DEUP1: variants seen among roughly 807,000 people sequenced by gnomAD.
DEUP1 encodes the protein coiled-coil domain containing 67.
In DEUP1, 82 loss-of-function variants were observed where a neutral mutation model predicts 87.4. That is an observed-to-expected ratio of 0.94 (90% CI 0.78 to 1.13). The LOEUF is 1.13. DEUP1 is among the 50% of genes most tolerant of loss of function. The pLI is 0.00. For missense variants in DEUP1, 663 were observed against 681.5 expected (o/e 0.97, Z 0.30); for synonymous variants, 214 against 222.7 (o/e 0.96, Z 0.35).
intron 13 of DEUP1, among the ~76,000 whole-genome samples, chr11:93,419,801 G>C (rs538607016): frequency 9.1e-4 from 137 of 150,870 alleles, no homozygotes; most frequent in African/African-American, 3.2e-3. Context: ...TCCTTCTCAT[G>C]TTTTCCATTT....
At chr11:93,401,637 C>A (rs1947122082) in intron 11 of DEUP1, among the ~76,000 whole-genome samples, 1 of 151,744 alleles carries the variant, frequency 6.6e-6, no homozygotes, top group Admixed American at 6.6e-5. Flanking sequence ...CAGATATAAA[C>A]CAATGCATTT....
intron 3 of DEUP1, among the ~76,000 whole-genome samples, chr11:93,356,349 C>T (rs1944894279): frequency 6.6e-6 from 1 of 152,044 alleles, no homozygotes; most frequent in Non-Finnish European, 1.5e-5. Flanking sequence ...TCTAGTTTTC[C>T]TTCACAGTAG....
intron 8 of DEUP1, among the ~76,000 whole-genome samples, chr11:93,387,277 G>A (rs879563996): frequency 6.6e-6 from 1 of 152,004 alleles, no homozygotes; most frequent in Non-Finnish European, 1.5e-5. Context: ...CAGCTTTATT[G>A]TTTTGGTTTA....
At chr11:93,378,536 A>G (rs1008668945) in intron 7 of DEUP1, among the ~76,000 whole-genome samples, 1 of 151,942 alleles carries the variant, frequency 6.6e-6, no homozygotes, top group African/African-American at 2.4e-5. Context: ...TGCCTCCTTT[A>G]GTAGGTTAAT....
chr11:93,354,235 C>T (rs1275387611), intron 2 of DEUP1, among the ~76,000 whole-genome samples: 1 of 152,170 alleles, frequency 6.6e-6, no homozygotes, highest in Non-Finnish European at 1.5e-5. Flanking sequence ...TTTGATAAAA[C>T]ATAACAAGAG....
rs558133326 is a variant in DEUP1 at position 93,418,373 on chromosome 11, A to T, written c.1638+3259A>T. Among the ~76,000 whole-genome samples, 95 of 152,044 alleles carry T rather than the reference A, an allele frequency of 6.2e-4. No individual in the cohort carries two copies. In the East Asian group the frequency reaches 0.014, roughly 22 times the overall value. On this transcript the variant is annotated intron_variant, in intron 13 of 13. Transcript: ENST00000298050. ...AACCCCATCAAAAAGTGGGCGAAGG[A>T]CATGAACAGACACTTCTCAAAAGAA...
intron 13 of DEUP1, among the ~76,000 whole-genome samples, chr11:93,433,902 T>C (rs978669431): frequency 6.6e-6 from 1 of 152,192 alleles, no homozygotes; most frequent in African/African-American, 2.4e-5. Context: ...TTTACGCCCC[T>C]GTGTCCATCA....
chr11:93,367,324 T>C (rs1565311033), intron 5 of DEUP1, among the ~76,000 whole-genome samples: 2 of 152,220 alleles, frequency 1.3e-5, no homozygotes, highest in Admixed American at 6.5e-5. Context: ...AAATATGAAA[T>C]GCCATGTTCT....
At chr11:93,333,872 G>T (rs528621040) in intron 2 of DEUP1, among the ~76,000 whole-genome samples, 42 of 152,298 alleles carry the variant, frequency 2.8e-4, no homozygotes, top group African/African-American at 9.4e-4. Context: ...TTAAGTATGT[G>T]TTGGGTCCCT....
intron 2 of DEUP1, among the ~76,000 whole-genome samples, chr11:93,340,971 C>T (rs1944040039): frequency 6.6e-6 from 1 of 152,150 alleles, no homozygotes; most frequent in African/African-American, 2.4e-5. Context: ...ATAGCTGAAC[C>T]ATCTACAACA....
intron 13 of DEUP1, among the ~76,000 whole-genome samples, chr11:93,433,515 G>A (rs1407587655): frequency 6.6e-6 from 1 of 152,148 alleles, no homozygotes; most frequent in Non-Finnish European, 1.5e-5. Context: ...GCAAGACACT[G>A]TCTCTAAATC....
intron 9 of DEUP1, among the ~76,000 whole-genome samples, chr11:93,389,728 C>A (rs1946709679): frequency 6.6e-6 from 1 of 152,204 alleles, no homozygotes; most frequent in African/African-American, 2.4e-5. Context: ...GTGGCAGAGG[C>A]CATGTTTCAA....
chr11:93,430,047 T>A (rs1948055225), intron 13 of DEUP1, among the ~76,000 whole-genome samples: 1 of 152,160 alleles, frequency 6.6e-6, no homozygotes, highest in African/African-American at 2.4e-5. Context: ...TAAATGCACA[T>A]TCTGAAGTAT....
intron 9 of DEUP1, among the ~76,000 whole-genome samples, chr11:93,393,780 G>A (rs778250151): frequency 1.3e-5 from 2 of 151,738 alleles, no homozygotes; most frequent in Non-Finnish European, 2.9e-5. Flanking sequence ...AATGGAGACA[G>A]AGGCAAGACT....
intron 12 of DEUP1, among the ~76,000 whole-genome samples, chr11:93,412,924 A>G (rs995295637): frequency 6.6e-6 from 1 of 152,186 alleles, no homozygotes; most frequent in African/African-American, 2.4e-5. Context: ...AAAAAAAGAT[A>G]CATCTCAAGA....
At chr11:93,360,250 G>A (rs1170201782) in intron 4 of DEUP1, among the ~76,000 whole-genome samples, 2 of 152,304 alleles carry the variant, frequency 1.3e-5, no homozygotes, top group Admixed American at 6.5e-5. Context: ...GAAGCCAAGT[G>A]AAGACTTGGA....
chr11:93,417,384 T>C (rs935163197), intron 13 of DEUP1, among the ~76,000 whole-genome samples: 3 of 150,992 alleles, frequency 2.0e-5, no homozygotes, highest in African/African-American at 4.9e-5. Flanking sequence ...TATACACCAA[T>C]AACAGACAAA....
At chr11:93,401,200 A>G (rs115355559) in intron 11 of DEUP1, among the ~76,000 whole-genome samples, 1 of 152,262 alleles carries the variant, frequency 6.6e-6, no homozygotes, top group African/African-American at 2.4e-5. Context: ...TACAATAACT[A>G]CAGAGAATAT....
intron 4 of DEUP1, among the ~76,000 whole-genome samples, chr11:93,358,853 A>C (rs1351775964): frequency 6.6e-6 from 1 of 152,040 alleles, no homozygotes; most frequent in South Asian, 2.1e-4. Context: ...AAAGTGCTGG[A>C]ATTACAGGCG....
Sources: allele counts gnomAD v4.1 joint callset (sites outside exome capture counted in the v4.1 genomes callset), GRCh38; gene constraint gnomAD v4.1.1; transcripts MANE v1.5; gene names NCBI Gene and HGNC (gene_info 2026-07-23, HGNC 2026-07-21).